The following STX2 variants were observed in gnomAD, a reference collection of about 807,000 sequenced individuals.
The protein encoded by STX2 is syntaxin 2, also known as syntaxin-2.
STX2 carries 27 observed loss-of-function variants against 40.6 expected under a neutral mutation model. That is an observed-to-expected ratio of 0.66 (90% CI 0.49 to 0.92). The LOEUF (loss-of-function observed/expected upper bound fraction) is 0.92, where lower values mean the gene tolerates loss of function less well. Ranked by LOEUF, STX2 falls within the 40% of genes least tolerant of loss-of-function variation. The pLI, the probability that STX2 is intolerant of heterozygous loss-of-function variation, is 0.00. For missense variants in STX2, 328 were observed against 366.1 expected (o/e 0.90, Z 0.85); for synonymous variants, 123 against 119.1 (o/e 1.03, Z -0.22).
intron 1 of STX2, among the ~76,000 whole-genome samples, chr12:130,835,073 G>C (rs965587409): frequency 2.6e-5 from 4 of 152,232 alleles, no homozygotes; most frequent in South Asian, 2.1e-4. Context: ...CAGATTGCTT[G>C]AGCTCAAGAG....
intron 1 of STX2, among the ~76,000 whole-genome samples, chr12:130,831,024 T>C (rs1952539073): frequency 6.6e-6 from 1 of 152,244 alleles, no homozygotes; most frequent in Admixed American, 6.5e-5. Flanking sequence ...ACTCTCCCTG[T>C]GTGAATACTA....
chr12:130,793,189 G>A (rs1261447316), intron 10 of STX2, among the ~76,000 whole-genome samples: 1 of 152,184 alleles, frequency 6.6e-6, no homozygotes, highest in Non-Finnish European at 1.5e-5. Context: ...GCCTCCCAGT[G>A]ACTCCTCAGG....
At chr12:130,814,239 C>T (rs528358446) in intron 3 of STX2, among the ~76,000 whole-genome samples, 3 of 152,130 alleles carry the variant, frequency 2.0e-5, no homozygotes, top group African/African-American at 4.8e-5. Context: ...CTAACAAGAC[C>T]GCCAGGGACC....
chr12:130,811,356 T>TTAA (rs1354458890), intron 4 of STX2, among the ~76,000 whole-genome samples: 1 of 46,158 alleles, frequency 2.2e-5, no homozygotes, highest in African/African-American at 4.7e-5. Context: ...AGACTCTGTC[T>TTAA]CAAAAAAAAA....
At chr12:130,816,431 T>C (rs545480897) in intron 3 of STX2, among the ~76,000 whole-genome samples, 1 of 152,252 alleles carries the variant, frequency 6.6e-6, no homozygotes, top group African/African-American at 2.4e-5. Context: ...CTTGAGCAAC[T>C]CATCAGCAAA....
intron 3 of STX2, among the ~76,000 whole-genome samples, chr12:130,819,797 C>T (rs922325542): frequency 7.9e-5 from 12 of 152,176 alleles, no homozygotes; most frequent in Admixed American, 5.9e-4. Flanking sequence ...GATTATTCTA[C>T]GGGTACTGCA....
chr12:130,837,816 T>C (rs1358025194), intron 1 of STX2, among the ~76,000 whole-genome samples: 1 of 152,200 alleles, frequency 6.6e-6, no homozygotes, highest in Non-Finnish European at 1.5e-5. Flanking sequence ...GTGTTTAAGA[T>C]GATATTGATC....
chr12:130,797,037 T>C (rs143525755), intron 9 of STX2, among the ~76,000 whole-genome samples: 1,623 of 152,292 alleles, frequency 0.011, 80 homozygotes, highest in Admixed American at 0.09. Context: ...GAGGGTTCCA[T>C]TAGCAGGCAT....
chr12:130,830,836 T>C (rs1207568836), intron 1 of STX2, among the ~76,000 whole-genome samples: 1 of 152,220 alleles, frequency 6.6e-6, no homozygotes, highest in Non-Finnish European at 1.5e-5. Context: ...AGGGTATTTA[T>C]TGTAAATAAC....
rs538534998 is a variant in STX2 at position 130,795,436 on chromosome 12, T to C, written c.*45+559A>G. Among the ~76,000 whole-genome samples the C allele has an allele frequency of 2.0e-5, 3 of 152,316 alleles. No individual in the cohort carries two copies. The South Asian group carries it at 6.2e-4, about 32-fold the overall frequency. Reference sequence around the variant, plus strand: ...GGATCCACTACATGTAAAGAGCTAATGGTCTTAGATCAAAAACAAAAGATT... The same window carrying C: ...GGATCCACTACATGTAAAGAGCTAACGGTCTTAGATCAAAAACAAAAGATT... On this transcript the variant is annotated intron_variant, in intron 10 of 10. Coordinates refer to ENST00000392373, the MANE Select transcript of STX2 (RefSeq NM_194356.4).
At chr12:130,832,686 T>C (rs757699667) in intron 1 of STX2, among the ~76,000 whole-genome samples, 1 of 152,160 alleles carries the variant, frequency 6.6e-6, no homozygotes, top group Admixed American at 6.5e-5. Context: ...GGCAGCCCCT[T>C]ACACCAGGCC....
At chr12:130,816,874 C>T (rs1951878140) in intron 3 of STX2, among the ~76,000 whole-genome samples, 2 of 152,178 alleles carry the variant, frequency 1.3e-5, no homozygotes, top group South Asian at 4.1e-4. Flanking sequence ...AGAGACAATG[C>T]CCTAGGAGGA....
chr12:130,806,569 G>A lies in STX2; in HGVS notation c.463+413C>T, dbSNP rs188626325. Among the ~76,000 whole-genome samples the A allele has an allele frequency of 3.3e-3, 510 of 152,262 alleles. 2 individuals are homozygous for A. Among genetic ancestry groups the A allele is most frequent in the Middle Eastern group, 6.8e-3 (2 of 294 alleles). ...AGAAGGCGCCATCTCCACTGCCACAGCCAACTGTCCCCATAGACACCCCTG... is the reference window on the plus strand; with the variant it reads ...AGAAGGCGCCATCTCCACTGCCACAACCAACTGTCCCCATAGACACCCCTG... On this transcript the variant is annotated intron_variant, in intron 6 of 10. Transcript: ENST00000392373.
intron 1 of STX2, among the ~76,000 whole-genome samples, chr12:130,834,920 A>C (rs1952706047): frequency 6.6e-6 from 1 of 152,248 alleles, no homozygotes; most frequent in Non-Finnish European, 1.5e-5. Flanking sequence ...AACATTCTGC[A>C]CTACGTGGAC....
chr12:130,800,336 T>G (rs932294245), intron 8 of STX2, among the ~76,000 whole-genome samples: 1 of 151,570 alleles, frequency 6.6e-6, no homozygotes, highest in Non-Finnish European at 1.5e-5. Flanking sequence ...GGTCTCACTC[T>G]GTCACCCAGG....
At chr12:130,825,758 ACT>A (rs1272138640) in intron 2 of STX2, among the ~76,000 whole-genome samples, 2 of 152,206 alleles carry the variant, frequency 1.3e-5, no homozygotes, top group African/African-American at 4.8e-5. Flanking sequence ...AAATCCAGGC[ACT>A]GCTAGGCCAG....
In STX2 at chr12:130,791,230, A is replaced by C. The variant is rs1030897901; in HGVS notation, c.*793T>G. On this transcript the variant is annotated 3_prime_UTR_variant, in exon 11 of 11. Transcript: ENST00000392373. ...GGAAGCCTTAGACCTGAGATCTAAA[A>C]GCTTCAGAACAGCCTGCCCGGTGAC... 4 of 152,246 alleles carry C rather than the reference A, an allele frequency of 2.6e-5. No individual in the cohort carries two copies. Among genetic ancestry groups the C allele is most frequent in the African/African-American group, 9.6e-5 (4 of 41,466 alleles). 9.4% of individuals were successfully genotyped at this position (152,246 alleles called of 1,614,324 possible). A position where few individuals can be genotyped will look rare whatever the true frequency, so the allele number is the denominator to read the frequency against.
At chr12:130,796,643 G>A (rs1048346607) in intron 9 of STX2, among the ~76,000 whole-genome samples, 6 of 152,138 alleles carry the variant, frequency 3.9e-5, no homozygotes, top group Non-Finnish European at 7.3e-5. Context: ...TGTTATTTCA[G>A]GTTTCATCCA....
intron 1 of STX2, among the ~76,000 whole-genome samples, chr12:130,834,310 T>C (rs373714489): frequency 2.1e-5 from 3 of 145,728 alleles, no homozygotes; most frequent in South Asian, 2.1e-4. Flanking sequence ...TGAACTGAGA[T>C]TGCACCATTG....
Sources: allele counts gnomAD v4.1 joint callset (sites outside exome capture counted in the v4.1 genomes callset), GRCh38; gene constraint gnomAD v4.1.1; transcripts MANE v1.5; gene names NCBI Gene and HGNC (gene_info 2026-07-23, HGNC 2026-07-21).